ADAMTSL1: variants seen among roughly 807,000 people sequenced by gnomAD.
The protein encoded by ADAMTSL1 is ADAMTS like 1, also known as ADAMTS-like protein 1.
A neutral mutation model predicts 201.8 loss-of-function variants in ADAMTSL1; 126 were observed. The ratio of observed to expected loss-of-function variants is 0.62; its 90% confidence interval spans 0.54 to 0.72. The LOEUF is 0.72. Ranked by LOEUF, ADAMTSL1 falls within the 30% of genes least tolerant of loss-of-function variation. ADAMTSL1 has a pLI of 0.00. For synonymous variants in ADAMTSL1, 1,121 were observed against 903.4 expected (o/e 1.24, Z -4.32); for missense variants, 2,679 against 2,277.8 (o/e 1.18, Z -3.59).
At chr9:18,671,392 T>A (rs565686433) in intron 9 of ADAMTSL1, among the ~76,000 whole-genome samples, 23 of 152,264 alleles carry the variant, frequency 1.5e-4, no homozygotes, top group African/African-American at 4.3e-4. Context: ...TAGGCTGGAT[T>A]GATTTGTTAC....
At chr9:18,082,282 TG>T (rs1192586426) in intron 1 of ADAMTSL1, among the ~76,000 whole-genome samples, 1 of 152,182 alleles carries the variant, frequency 6.6e-6, no homozygotes, top group Non-Finnish European at 1.5e-5. Context: ...TAAACTACAG[TG>T]GACATTTGCA....
chr9:18,500,974 T>A (rs938327867), intron 1 of ADAMTSL1, among the ~76,000 whole-genome samples: 2 of 152,158 alleles, frequency 1.3e-5, no homozygotes, highest in African/African-American at 4.8e-5. Context: ...TCCATAACCT[T>A]CCTTTTGAGA....
In ADAMTSL1 at chr9:18,325,926, A is replaced by G. The variant is rs527786891; in HGVS notation, c.207+161945A>G. Among the ~76,000 whole-genome samples the G allele has an allele frequency of 1.3e-3, 202 of 152,202 alleles. 1 individual carries two copies. Among genetic ancestry groups the G allele is most frequent in the African/African-American group, 4.8e-3 (198 of 41,540 alleles). On this transcript the variant is annotated intron_variant, in intron 2 of 29. Coordinates refer to the ADAMTSL1 transcript ENST00000680146. ...TGGCTAATTTTTGTGTTTTTAGTAG[A>G]TACAGGGTTTCACCATGTTGGCCAG...
intron 1 of ADAMTSL1, among the ~76,000 whole-genome samples, chr9:18,107,327 C>T (rs1053736189): frequency 6.6e-6 from 1 of 152,114 alleles, no homozygotes; most frequent in African/African-American, 2.4e-5. Context: ...TTTGCAATTC[C>T]CAGGATCCTA....
At chr9:18,765,745 A>G (rs948869267) in intron 16 of ADAMTSL1, among the ~76,000 whole-genome samples, 4 of 152,254 alleles carry the variant, frequency 2.6e-5, no homozygotes, top group African/African-American at 9.6e-5. Flanking sequence ...AACACTTAAT[A>G]TGAGCAACAA....
At chr9:18,565,193 A>T (rs1288648130) in intron 3 of ADAMTSL1, among the ~76,000 whole-genome samples, 1 of 152,226 alleles carries the variant, frequency 6.6e-6, no homozygotes, top group Non-Finnish European at 1.5e-5. Context: ...CTGAATGAAG[A>T]CATTGGAACA....
intron 1 of ADAMTSL1, among the ~76,000 whole-genome samples, chr9:18,007,299 G>A (rs1819868442): frequency 6.6e-6 from 1 of 151,998 alleles, no homozygotes; most frequent in African/African-American, 2.4e-5. Context: ...AACTAGCTGT[G>A]AAGAGGACCA....
intron 2 of ADAMTSL1, among the ~76,000 whole-genome samples, chr9:18,234,275 G>A (rs1451325776): frequency 6.6e-6 from 1 of 152,206 alleles, no homozygotes; most frequent in East Asian, 1.9e-4. Flanking sequence ...GTGTGAGCAG[G>A]TGTGAGAGGA....
intron 2 of ADAMTSL1, among the ~76,000 whole-genome samples, chr9:18,448,683 T>A (rs913102830): frequency 3.3e-5 from 5 of 152,208 alleles, no homozygotes; most frequent in Admixed American, 6.5e-5. Flanking sequence ...TGGACATTTA[T>A]CTCATTTTCT....
chr9:17,951,668 G>T (rs1386988458), intron 1 of ADAMTSL1, among the ~76,000 whole-genome samples: 1 of 150,146 alleles, frequency 6.7e-6, no homozygotes, highest in Non-Finnish European at 1.5e-5. Context: ...TTATTGATCT[G>T]GAGGAATTCT....
At chr9:18,733,970 C>G (rs1818368633) in intron 15 of ADAMTSL1, among the ~76,000 whole-genome samples, 1 of 150,316 alleles carries the variant, frequency 6.7e-6, no homozygotes, top group Non-Finnish European at 1.5e-5. Context: ...AACTAATTCA[C>G]ACTAAGGTGT....
At chr9:18,394,632 G>T (rs1306749061) in intron 2 of ADAMTSL1, among the ~76,000 whole-genome samples, 1 of 152,148 alleles carries the variant, frequency 6.6e-6, no homozygotes, top group African/African-American at 2.4e-5. Flanking sequence ...TAATAACCTT[G>T]AGTGTAGATA....
At chr9:18,024,504 A>G (rs1446612420) in intron 1 of ADAMTSL1, among the ~76,000 whole-genome samples, 2 of 152,108 alleles carry the variant, frequency 1.3e-5, no homozygotes, top group Admixed American at 1.3e-4. Context: ...CTTGTAAGTG[A>G]GAACATGTGG....
At chr9:18,432,412 A>C (rs923148139) in intron 2 of ADAMTSL1, among the ~76,000 whole-genome samples, 2 of 152,212 alleles carry the variant, frequency 1.3e-5, no homozygotes, top group South Asian at 4.1e-4. Flanking sequence ...ACATTATTCT[A>C]TGTTTCCCGT....
At chr9:18,610,930 T>C (rs1825323918) in intron 4 of ADAMTSL1, among the ~76,000 whole-genome samples, 1 of 152,330 alleles carries the variant, frequency 6.6e-6, no homozygotes, top group African/African-American at 2.4e-5. Context: ...TAAAACTCTT[T>C]AAATATAAAT....
intron 21 of ADAMTSL1, among the ~76,000 whole-genome samples, chr9:18,825,514 G>T (rs117169219): frequency 1.3e-5 from 2 of 152,320 alleles, no homozygotes; most frequent in Non-Finnish European, 2.9e-5. Flanking sequence ...GTCAACTCCA[G>T]TAGCAATCTA....
intron 2 of ADAMTSL1, among the ~76,000 whole-genome samples, chr9:18,269,318 A>G (rs1444018525): frequency 6.6e-6 from 1 of 152,184 alleles, no homozygotes; most frequent in African/African-American, 2.4e-5. Flanking sequence ...GGGTCTCTGC[A>G]TCATAAGTGC....
At position 18,777,496 on chromosome 9, in the gene ADAMTSL1, C is replaced by G. The variant is rs768627346; in HGVS notation, c.3267C>G (p.Pro1089=). 5.6e-5 allele frequency: 90 copies of G among 1,594,546 alleles called. 1 individual carries two copies. Among genetic ancestry groups the G allele is most frequent in the African/African-American group, 5.1e-4 (38 of 74,574 alleles). ...TCCTGGGGAACCTCTCCCAGCAGCCCGAGGAGCTGCGCGACCTCTACAGCA... is the reference window on the plus strand; with the variant it reads ...TCCTGGGGAACCTCTCCCAGCAGCCGGAGGAGCTGCGCGACCTCTACAGCA... The part of the protein sequence containing the change: ...DDILGNLSQQ[P]EELRDLYSKH... Residue 1089 remains proline (P), a synonymous_variant, in exon 19 of 29, where the codon CCC becomes CCG. Coordinates refer to ENST00000380548, the MANE Select transcript of ADAMTSL1 (RefSeq NM_001040272.6).
At chr9:18,456,889 A>G (rs553737848) in intron 2 of ADAMTSL1, among the ~76,000 whole-genome samples, 1 of 152,296 alleles carries the variant, frequency 6.6e-6, no homozygotes, top group Admixed American at 6.5e-5. Flanking sequence ...CTGTTCATTT[A>G]TTTAATTTTT....
Sources: gnomAD v4.1 joint callset for allele counts (sites outside exome capture counted in the v4.1 genomes callset) on GRCh38, gnomAD v4.1.1 for gene constraint, MANE v1.5 for transcripts, NCBI Gene and HGNC (gene_info 2026-07-23, HGNC 2026-07-21) for gene names.